Variants in ZNF783 observed in about 807,000 individuals in gnomAD.
ZNF783 encodes zinc finger protein 783.
A neutral mutation model predicts 31.3 loss-of-function variants in ZNF783; 25 were observed. The ratio of observed to expected loss-of-function variants is 0.80; its 90% CI spans 0.58 to 1.11. ZNF783 has a LOEUF of 1.11. ZNF783 is among the 50% of genes most tolerant of loss of function. The pLI, the probability that ZNF783 is intolerant of heterozygous loss-of-function variation, is 0.00. For synonymous variants in ZNF783, 369 were observed against 319.1 expected (o/e 1.16, Z -1.66); for missense variants, 797 against 760.0 (o/e 1.05, Z -0.57).
At chr7:149,269,476 A>T (rs1797161171) in intron 4 of ZNF783, among the ~76,000 whole-genome samples, 1 of 152,242 alleles carries the variant, frequency 6.6e-6, no homozygotes, top group Admixed American at 6.5e-5. Flanking sequence ...TTGAGGACTT[A>T]GCCAAAAATT....
rs566988472 is a variant in ZNF783 at position 149,281,542 on chromosome 7, A to G, written c.840A>G (p.Glu280=). The part of the protein sequence containing the change: ...GVAIKTEAQS[E]DEMTPERLFL... ...CCATCAAGACAGAGGCACAGTCTGA[A>G]GACGAGATGACGCCTGAGCGGCTCT... The change falls in exon 6 of 6, where the codon GAA becomes GAG. Residue 280 remains glutamate, a synonymous_variant. Transcript: ENST00000434415. 95 of 1,469,514 alleles carry G rather than the reference A, an allele frequency of 6.5e-5. No individual in the cohort carries two copies. The highest frequency in any genetic ancestry group is 7.8e-5 in the Non-Finnish European group (87 of 1,121,558). 91.0% of individuals were successfully genotyped at this position (1,469,514 alleles called of 1,614,324 possible).
intron 4 of ZNF783, among the ~76,000 whole-genome samples, chr7:149,268,171 CATCT>C (rs1269070473): frequency 6.6e-6 from 1 of 152,182 alleles, no homozygotes; most frequent in Non-Finnish European, 1.5e-5. Flanking sequence ...GCGCTTCATC[CATCT>C]GTTTTTACCC....
chr7:149,284,557 C>T lies in ZNF783; in HGVS notation c.*2214C>T, dbSNP rs748531183. 2 of 152,276 alleles carry T rather than the reference C, an allele frequency of 1.3e-5. No homozygotes were observed. The highest frequency in any genetic ancestry group is 6.5e-5 in the Admixed American group (1 of 15,290). The allele number at this position is 152,276 out of a possible 1,614,324, so 9.4% of individuals were successfully genotyped here. ...AGTGCAGGTGCACGAGTTTAACCCTCAGCTGCAGGAGCTAGTCTCAGGTGT... is the reference window on the plus strand; with the variant it reads ...AGTGCAGGTGCACGAGTTTAACCCTTAGCTGCAGGAGCTAGTCTCAGGTGT... On this transcript the variant is annotated 3_prime_UTR_variant, in exon 6 of 6. Coordinates refer to ENST00000434415, the MANE Select transcript of ZNF783 (RefSeq NM_001195220.2).
In ZNF783 at chr7:149,267,218, C is replaced by T; in HGVS notation, c.669C>T (p.Gly223=). 1.3e-6 allele frequency: 2 copies of T among 1,592,898 alleles called. No individual in the cohort carries two copies. The highest frequency in any genetic ancestry group is 1.7e-6 in the Non-Finnish European group (2 of 1,176,576). ...AGGTGGGACGTCCAAGGATGATGGG[C>T]ACTGGTAAGTATAGGAGCCAGATGT... ...EVEVGRPRMM[G]TGLPPYPEHL... is the part of the protein sequence containing the mutation. The change falls in exon 4 of 6, where the codon GGC becomes GGT. Residue 223 remains glycine (G), a synonymous_variant. Coordinates refer to ENST00000434415, the MANE Select transcript of ZNF783 (RefSeq NM_001195220.2).
At chr7:149,278,179 T>A (rs1392823174) in intron 4 of ZNF783, 1 of 1,335,746 alleles carries the variant, frequency 7.5e-7, no homozygotes, top group African/African-American at 1.5e-5. Flanking sequence ...TGATTTCCTG[T>A]CTGCTGAATT....
intron 4 of ZNF783, among the ~76,000 whole-genome samples, chr7:149,274,347 CT>C (rs66467231): frequency 0.12 from 17,846 of 145,942 alleles, 1,284 homozygotes; most frequent in African/African-American, 0.2. Flanking sequence ...AATATATGTT[CT>C]TTTTTTTTTC....
intron 1 of ZNF783, among the ~76,000 whole-genome samples, chr7:149,263,967 A>G (rs2129524695): frequency 6.6e-6 from 1 of 152,274 alleles, no homozygotes; most frequent in South Asian, 2.1e-4. Flanking sequence ...AGAAGGTGAC[A>G]TCATCCACTC....
rs760424619 is a variant in ZNF783 at position 149,281,636 on chromosome 7, C to T, written c.934C>T (p.Pro312Ser). The T allele has an allele frequency of 1.8e-5, 28 of 1,545,348 alleles. No homozygotes were observed. The highest frequency in any genetic ancestry group is 2.3e-5 in the Non-Finnish European group (27 of 1,158,098). The change falls in exon 6 of 6, where the codon CCC becomes TCC. Residue 312 changes from proline (P) to serine (S), a missense_variant. Pro to Ser is a moderately conservative substitution (Grantham distance 74). Coordinates refer to ENST00000434415, the MANE Select transcript of ZNF783 (RefSeq NM_001195220.2). ...AGGGCCCAGGAACAGGCCTGGGGGCCCCAGCCGTCATCAGGCCCAGGGCAT... is the reference window on the plus strand; with the variant it reads ...AGGGCCCAGGAACAGGCCTGGGGGCTCCAGCCGTCATCAGGCCCAGGGCAT... ...PRGPRNRPGG[P>S]SRHQAQGMPR...
At position 149,281,927 on chromosome 7, in the gene ZNF783, C is replaced by T. The variant is rs1797481555; in HGVS notation, c.1225C>T (p.Leu409Phe). The T allele has an allele frequency of 2.0e-6, 3 of 1,536,656 alleles. No individual in the cohort carries two copies. Among genetic ancestry groups the T allele is most frequent in the Non-Finnish European group, 2.6e-6 (3 of 1,146,282 alleles). Residue 409 changes from leucine (L) to phenylalanine (F), a missense_variant, in exon 6 of 6, where the codon CTC becomes TTC. Physicochemically the swap from Leu to Phe is conservative, Grantham distance 22. Coordinates refer to ENST00000434415, the MANE Select transcript of ZNF783 (RefSeq NM_001195220.2). Reference protein sequence around the residue: ...VVVPGPVIRWLPEEPEGRRSV... With the variant: ...VVVPGPVIRWFPEEPEGRRSV... ...GGTACCCGGCCCTGTCATCCGCTGG[C>T]TCCCCGAGGAGCCTGAGGGTCGCCG... is the stretch of plus-strand genomic sequence containing the variant.
In ZNF783 at chr7:149,282,633, T is replaced by C; in HGVS notation, c.*290T>C. 1 of 370,886 alleles carries C rather than the reference T, an allele frequency of 2.7e-6. No individual in the cohort carries two copies. The highest frequency in any genetic ancestry group is 4.4e-5 in the East Asian group (1 of 22,716). 23.0% of individuals were successfully genotyped at this position (370,886 alleles called of 1,614,324 possible). ...CCACAGCCAAGAGGACCAGAGATCA[T>C]GGCCCTTCCAGTATGGGGGCGATAG... On this transcript the variant is annotated 3_prime_UTR_variant, in exon 6 of 6. Transcript: ENST00000434415.
intron 4 of ZNF783, among the ~76,000 whole-genome samples, chr7:149,273,395 A>C (rs897338326): frequency 1.3e-5 from 2 of 152,038 alleles, no homozygotes; most frequent in African/African-American, 4.8e-5. Flanking sequence ...CCTTTTCTCC[A>C]CATCCTCGCC....
Position 149,267,247 on chromosome 7 carries a change from TGGG to T in ZNF783, c.673+29_673+31del, listed in dbSNP as rs762469118. 2.6e-6 allele frequency: 4 copies of T among 1,558,318 alleles called. No individual in the cohort carries two copies. In the South Asian group the frequency reaches 4.8e-5, roughly 19 times the overall value. On this transcript the variant is annotated intron_variant, in intron 4 of 5. Transcript: ENST00000434415. ...GGTAAGTATAGGAGCCAGATGTGGT[TGGG>T]GGGCCGCCAGGGGCTAGCTGCACCA...
intron 1 of ZNF783, among the ~76,000 whole-genome samples, chr7:149,262,777 A>G (rs957670487): frequency 1.4e-4 from 21 of 152,368 alleles, no homozygotes; most frequent in African/African-American, 4.1e-4. Flanking sequence ...TCACGCATCT[A>G]TTAGAGGCGG....
intron 5 of ZNF783, 134 bp downstream of exon 5, chr7:149,278,661 C>A: frequency 1.4e-6 from 2 of 1,424,268 alleles, no homozygotes; most frequent in Non-Finnish European, 1.9e-6. Flanking sequence ...TGGGCTGGGC[C>A]GGACAGGCTT....
At position 149,281,923 on chromosome 7, in the gene ZNF783, C is replaced by T; in HGVS notation, c.1221C>T (p.Arg407=). 1 of 1,533,442 alleles carries T rather than the reference C, an allele frequency of 6.5e-7. No individual in the cohort carries two copies. The highest frequency in any genetic ancestry group is 8.7e-7 in the Non-Finnish European group (1 of 1,144,640). 95.0% of individuals were successfully genotyped at this position (1,533,442 alleles called of 1,614,324 possible). A position where few individuals can be genotyped will look rare whatever the true frequency, so the allele number is the denominator to read the frequency against. ...TGGTGGTACCCGGCCCTGTCATCCG[C>T]TGGCTCCCCGAGGAGCCTGAGGGTC... ...GEVVVPGPVI[R]WLPEEPEGRR... The change falls in exon 6 of 6, where the codon CGC becomes CGT. Residue 407 remains arginine (R), a synonymous_variant. Transcript: ENST00000434415.
chr7:149,266,254 C>A, intron 1 of ZNF783, 81 bp from the exon 2 acceptor site: 1 of 1,429,720 alleles, frequency 7.0e-7, no homozygotes, highest in Non-Finnish European at 9.2e-7. Context: ...TGGCAGGTGT[C>A]ATTTCCGAAG....
intron 4 of ZNF783, among the ~76,000 whole-genome samples, chr7:149,270,584 A>G (rs927255414): frequency 4.6e-5 from 7 of 152,142 alleles, no homozygotes; most frequent in African/African-American, 1.7e-4. Flanking sequence ...AGATAATTGG[A>G]TATTTCATAT....
chr7:149,268,018 G>T (rs543636122), intron 4 of ZNF783, among the ~76,000 whole-genome samples: 15 of 152,290 alleles, frequency 9.8e-5, no homozygotes, highest in Non-Finnish European at 1.6e-4. Flanking sequence ...TGGTATATAG[G>T]ACAGTGGTTC....
chr7:149,264,350 T>C (rs1797010091), intron 1 of ZNF783, among the ~76,000 whole-genome samples: 1 of 152,104 alleles, frequency 6.6e-6, no homozygotes, highest in Non-Finnish European at 1.5e-5. Context: ...GACTCAGGCA[T>C]ACAGAGGATG....
Sources: allele counts gnomAD v4.1 joint callset (sites outside exome capture counted in the v4.1 genomes callset), GRCh38; gene constraint gnomAD v4.1.1; transcripts MANE v1.5; gene names NCBI Gene and HGNC (gene_info 2026-07-23, HGNC 2026-07-21).